Variants in PPARA observed in about 807,000 individuals in gnomAD.
PPARA encodes peroxisome proliferator-activated receptor alpha.
In PPARA, 22 loss-of-function variants were observed where a neutral mutation model predicts 42.2. That is an observed-to-expected ratio of 0.52 (90% confidence interval 0.37 to 0.74). PPARA has a LOEUF of 0.74. PPARA is among the 30% of genes least tolerant of loss of function. PPARA has a pLI of 0.00. For missense variants in PPARA, 465 were observed against 608.2 expected, an observed-to-expected ratio of 0.76 and a Z score of 2.48; for synonymous variants, 242 against 239.3, an observed-to-expected ratio of 1.01 and a Z score of -0.10.
chr22:46,198,131 A>C (rs1466262211), intron 3 of PPARA, among the ~76,000 whole-genome samples: 1 of 148,450 alleles, frequency 6.7e-6, no homozygotes, highest in Non-Finnish European at 1.5e-5. Flanking sequence ...CCAGCTACTC[A>C]GGAGACTGAG....
Position 46,196,319 on chromosome 22 carries a change from G to A in PPARA, c.-42-2023G>A, listed in dbSNP as rs1932228785. Among the ~76,000 whole-genome samples the A allele has an allele frequency of 6.6e-6, 1 of 152,196 alleles. No individual in the cohort carries two copies. The highest frequency in any genetic ancestry group is 1.5e-5 in the Non-Finnish European group (1 of 68,030). ...GTTAGATTTGTTTGGACTCCACAAA[G>A]TATTCTTGACCATACAATCATGGTC... On this transcript the variant is annotated intron_variant, in intron 3 of 8. Coordinates refer to ENST00000407236, the MANE Select transcript of PPARA (RefSeq NM_005036.6). This position sits in a 1 kb window ranked among gnomAD's most constrained non-coding sequence, Gnocchi z 5.6.
intron 4 of PPARA, among the ~76,000 whole-genome samples, chr22:46,199,302 G>A (rs1185137264): frequency 6.6e-6 from 1 of 152,110 alleles, no homozygotes; most frequent in Non-Finnish European, 1.5e-5. Flanking sequence ...AAATTGGGAT[G>A]CATTTATACA....
In PPARA at chr22:46,162,338, C is replaced by T. The variant is rs770574895; in HGVS notation, c.-127+10368C>T. Among the ~76,000 whole-genome samples, 1 of 152,154 alleles carries T rather than the reference C, an allele frequency of 6.6e-6. No individual in the cohort carries two copies. Among genetic ancestry groups the T allele is most frequent in the Non-Finnish European group, 1.5e-5 (1 of 68,032 alleles). On this transcript the variant is annotated intron_variant, in intron 2 of 8. Transcript: ENST00000407236. This position sits in a 1 kb window ranked among gnomAD's most constrained non-coding sequence, Gnocchi z 6.0. ...GATAGGAGGGCATGGCCCTGACATTCCAGGGACTGACCGACACGCTGTCTA... is the reference window on the plus strand; with the variant it reads ...GATAGGAGGGCATGGCCCTGACATTTCAGGGACTGACCGACACGCTGTCTA...
At chr22:46,201,839 A>G (rs998361309) in intron 4 of PPARA, among the ~76,000 whole-genome samples, 1 of 152,218 alleles carries the variant, frequency 6.6e-6, no homozygotes, top group African/African-American at 2.4e-5. Flanking sequence ...CCGTTTTCCT[A>G]TAATGACTAT....
rs1415737857 is a variant in PPARA, at chr22:46,187,526, A to G, written c.-43+10690A>G. Among the ~76,000 whole-genome samples the G allele has an allele frequency of 2.0e-5, 3 of 152,192 alleles. No individual in the cohort carries two copies. Among genetic ancestry groups the G allele is most frequent in the Non-Finnish European group, 2.9e-5 (2 of 68,030 alleles). On this transcript the variant is annotated intron_variant, in intron 3 of 8. Transcript: ENST00000407236. The surrounding 1 kb of genome is among the most constrained non-coding windows in gnomAD (Gnocchi z 4.9). The stretch of plus-strand genomic sequence containing the variant: ...CACCATCTTTTCTTGGGACAGTTAC[A>G]ACAGCCCCGTAAGGAGTTGTGCTGC...
chr22:46,155,015 A>C (rs1925062192), intron 2 of PPARA: 2 of 148,508 alleles, frequency 1.3e-5, no homozygotes, highest in South Asian at 2.1e-4. Flanking sequence ...AAAAAAAAAA[A>C]AAAAAAAAAA....
intron 4 of PPARA, among the ~76,000 whole-genome samples, chr22:46,207,572 C>T (rs1372885333): frequency 2.0e-5 from 3 of 149,588 alleles, no homozygotes; most frequent in African/African-American, 7.3e-5. Flanking sequence ...CATGAGCCAC[C>T]GAGCCTGGCC....
At position 46,160,798 on chromosome 22, in the gene PPARA, G is replaced by A. The variant is rs1478894163; in HGVS notation, c.-127+8828G>A. On this transcript the variant is annotated intron_variant, in intron 2 of 8. Coordinates refer to ENST00000407236, the MANE Select transcript of PPARA (RefSeq NM_005036.6). This position sits in a 1 kb window ranked among gnomAD's most constrained non-coding sequence, Gnocchi z 4.5. ...GTGTTTTTTGTAGAGATGGGGTTTA[G>A]CCATGTTCAGCTAGTCTCAAACTCC... is the stretch of plus-strand genomic sequence containing the variant. 6.6e-6 allele frequency among the ~76,000 whole-genome samples: 1 copy of A among 152,120 alleles called. No homozygotes were observed. The highest frequency in any genetic ancestry group is 1.5e-5 in the Non-Finnish European group (1 of 68,038).
Position 46,219,802 on chromosome 22 carries a change from C to T in PPARA, c.509-10C>T. ...CTGCTCATGCCTGTGTTTCCCCCTC[C>T]AAACCCTAGCGATTCGTTTTGGACG... On this transcript the variant is annotated splice_polypyrimidine_tract_variant and intron_variant, in intron 6 of 8. Coordinates refer to ENST00000407236, the MANE Select transcript of PPARA (RefSeq NM_005036.6). This position sits in a 1 kb window ranked among gnomAD's most constrained non-coding sequence, Gnocchi z 4.8. The T allele has an allele frequency of 6.2e-7, 1 of 1,614,118 alleles. No individual in the cohort carries two copies. Among genetic ancestry groups the T allele is most frequent in the Non-Finnish European group, 8.5e-7 (1 of 1,180,006 alleles).
At position 46,233,528 on chromosome 22, in the gene PPARA, C is replaced by A. The variant is rs1256550649; in HGVS notation, c.1159+1289C>A. ...GCTGACTCAGCCCTACCAGCCGTGC[C>A]CGTTACTGTGTGGCTGGGCACAAGT... On this transcript the variant is annotated intron_variant, in intron 8 of 8. Coordinates refer to ENST00000407236, the MANE Select transcript of PPARA (RefSeq NM_005036.6). This position sits in a 1 kb window ranked among gnomAD's most constrained non-coding sequence, Gnocchi z 7.3. Among the ~76,000 whole-genome samples the A allele has an allele frequency of 6.6e-6, 1 of 152,166 alleles. No individual in the cohort carries two copies. The highest frequency in any genetic ancestry group is 2.4e-5 in the African/African-American group (1 of 41,442).
intron 7 of PPARA, among the ~76,000 whole-genome samples, chr22:46,226,965 A>G (rs1249124027): frequency 2.0e-5 from 3 of 152,162 alleles, no homozygotes; most frequent in Non-Finnish European, 2.9e-5. Flanking sequence ...GAGGAATTCC[A>G]ACATTATTCT....
In PPARA at chr22:46,212,868, C is replaced by T. The variant is rs1255632520; in HGVS notation, c.209-2305C>T. 6.6e-6 allele frequency among the ~76,000 whole-genome samples: 1 copy of T among 152,106 alleles called. No individual in the cohort carries two copies. Among genetic ancestry groups the T allele is most frequent in the Admixed American group, 6.6e-5 (1 of 15,260 alleles). On this transcript the variant is annotated intron_variant, in intron 4 of 8. Transcript: ENST00000407236. The surrounding 1 kb of genome is among the most constrained non-coding windows in gnomAD (Gnocchi z 4.2). ...AAAATTAGCCGGGCGTGGTAATGGG[C>T]ACCTGTAATCCCAGCTACTTGGAAG... is the stretch of plus-strand genomic sequence containing the variant.
chr22:46,202,274 T>G lies in PPARA; in HGVS notation c.208+3683T>G, dbSNP rs918330261. ...GGTCCTTTTCTAAAAGTAGTGTCTT[T>G]TAGGTCATTGTCAAGAACTATAATC... On this transcript the variant is annotated intron_variant, in intron 4 of 8. Transcript: ENST00000407236. Among the ~76,000 whole-genome samples the G allele has an allele frequency of 5.3e-5, 8 of 152,310 alleles. No homozygotes were observed. In the East Asian group the frequency reaches 1.5e-3, roughly 29 times the overall value.
Position 46,160,093 on chromosome 22 carries a change from A to G in PPARA, c.-127+8123A>G, listed in dbSNP as rs1282569108. On this transcript the variant is annotated intron_variant, in intron 2 of 8. Coordinates refer to ENST00000407236, the MANE Select transcript of PPARA (RefSeq NM_005036.6). The surrounding 1 kb of genome is among the most constrained non-coding windows in gnomAD (Gnocchi z 4.5). Reference sequence around the variant, plus strand: ...GCGAAGGGCTGGGAAGTGCGGATCCAGGGCTGGTGCACTGAACCCAGAGGA... The same window carrying G: ...GCGAAGGGCTGGGAAGTGCGGATCCGGGGCTGGTGCACTGAACCCAGAGGA... Among the ~76,000 whole-genome samples, 3 of 152,234 alleles carry G rather than the reference A, an allele frequency of 2.0e-5. No individual in the cohort carries two copies. The highest frequency in any genetic ancestry group is 2.9e-5 in the Non-Finnish European group (2 of 68,040).
At position 46,163,002 on chromosome 22, in the gene PPARA, G is replaced by T. The variant is rs904939563; in HGVS notation, c.-127+11032G>T. 6.6e-6 allele frequency among the ~76,000 whole-genome samples: 1 copy of T among 152,216 alleles called. No homozygotes were observed. The highest frequency in any genetic ancestry group is 6.5e-5 in the Admixed American group (1 of 15,268). Reference sequence around the variant, plus strand: ...TGGAAAACAGCAGGCATGATTCCCTGCCACTACCAACCACTGCATCGCATA... The same window carrying T: ...TGGAAAACAGCAGGCATGATTCCCTTCCACTACCAACCACTGCATCGCATA... On this transcript the variant is annotated intron_variant, in intron 2 of 8. Coordinates refer to ENST00000407236, the MANE Select transcript of PPARA (RefSeq NM_005036.6). This position sits in a 1 kb window ranked among gnomAD's most constrained non-coding sequence, Gnocchi z 4.9.
intron 5 of PPARA, among the ~76,000 whole-genome samples, chr22:46,217,636 A>G (rs996210346): frequency 6.6e-6 from 1 of 152,110 alleles, no homozygotes; most frequent in African/African-American, 2.4e-5. Flanking sequence ...ATTCATATAC[A>G]TTGTAACAAG....
In PPARA at chr22:46,215,130, G is replaced by A. The variant is rs373613960; in HGVS notation, c.209-43G>A. 3 of 1,604,044 alleles carry A rather than the reference G, an allele frequency of 1.9e-6. No individual in the cohort carries two copies. In the African/African-American group the frequency reaches 4.0e-5, roughly 21 times the overall value. On this transcript the variant is annotated intron_variant, in intron 4 of 8. Coordinates refer to ENST00000407236, the MANE Select transcript of PPARA (RefSeq NM_005036.6). ...ATAGACCCGGTTCAGACACAGGATA[G>A]TGATGCCTGGACTATTCATCCGTCT...
intron 4 of PPARA, among the ~76,000 whole-genome samples, chr22:46,205,069 G>T (rs1933093357): frequency 6.6e-6 from 1 of 151,292 alleles, no homozygotes; most frequent in Non-Finnish European, 1.5e-5. Context: ...TCGTTATGTT[G>T]CCAGGGGTGG....
rs556077782 is a variant in PPARA, at chr22:46,193,216, G to A, written c.-42-5126G>A. ...CAAATAGCTGGGATTATGGGCACGCGCCACCACACCTGGCTAATGTTTGTA... is the reference window on the plus strand; with the variant it reads ...CAAATAGCTGGGATTATGGGCACGCACCACCACACCTGGCTAATGTTTGTA... On this transcript the variant is annotated intron_variant, in intron 3 of 8. Transcript: ENST00000407236. This position sits in a 1 kb window ranked among gnomAD's most constrained non-coding sequence, Gnocchi z 5.3. 1.9e-4 allele frequency among the ~76,000 whole-genome samples: 29 copies of A among 152,148 alleles called. No homozygotes were observed. Among genetic ancestry groups the A allele is most frequent in the South Asian group, 1.2e-3 (6 of 4,812 alleles).
Sources: allele counts gnomAD v4.1 joint callset (sites outside exome capture counted in the v4.1 genomes callset), GRCh38; gene constraint gnomAD v4.1.1; non-coding constraint Gnocchi (gnomAD v3.1); transcripts MANE v1.5; gene names NCBI Gene and HGNC (gene_info 2026-07-23, HGNC 2026-07-21).